The following BMAL1 variants were observed in gnomAD, a reference collection of about 807,000 sequenced individuals.
BMAL1 encodes the protein basic helix-loop-helix ARNT-like protein 1.
At chr11:13,375,707 A>G in the BMAL1 span, 1 of 1,605,090 alleles carries the variant, frequency 6.2e-7, no homozygotes, top group Non-Finnish European at 8.5e-7. Context: ...GTTCAGTTTC[A>G]TGAACCCTTG....
the BMAL1 span, among the ~76,000 whole-genome samples, chr11:13,311,548 T>A: frequency 6.6e-6 from 1 of 152,204 alleles, no homozygotes; most frequent in Admixed American, 6.5e-5. Context: ...GATAAAGAAT[T>A]GAGATGTTAC....
chr11:13,303,773 C>T, the BMAL1 span, among the ~76,000 whole-genome samples: 3 of 152,166 alleles, frequency 2.0e-5, no homozygotes, highest in Non-Finnish European at 2.9e-5. Context: ...ATACCTCCCT[C>T]CCACCCACTG....
the BMAL1 span, chr11:13,365,378 G>A: frequency 1.3e-6 from 1 of 765,558 alleles, no homozygotes; most frequent in South Asian, 1.7e-5. Flanking sequence ...GGATATCACT[G>A]AAACTGTTAG....
the BMAL1 span, chr11:13,354,468 T>A: frequency 1.2e-6 from 2 of 1,609,268 alleles, no homozygotes; most frequent in Admixed American, 3.4e-5. Flanking sequence ...TTGGGGCATG[T>A]CTTCCTCTTG....
chr11:13,277,617 G>A, the BMAL1 span: 15 of 151,922 alleles, frequency 9.9e-5, no homozygotes, highest in Non-Finnish European at 1.6e-4. Flanking sequence ...GGCTGGGGGC[G>A]GCCGCCGGGA....
the BMAL1 span, among the ~76,000 whole-genome samples, chr11:13,385,113 G>C: frequency 6.6e-6 from 1 of 152,166 alleles, no homozygotes; most frequent in Non-Finnish European, 1.5e-5. Context: ...CCAGGGGAAG[G>C]CAGCTGGGGT....
At chr11:13,367,564 G>A in the BMAL1 span, among the ~76,000 whole-genome samples, 1 of 152,020 alleles carries the variant, frequency 6.6e-6, no homozygotes, top group Non-Finnish European at 1.5e-5. Context: ...AGACAGGTGT[G>A]GTGGTGCGTG....
the BMAL1 span, among the ~76,000 whole-genome samples, chr11:13,347,522 T>C: frequency 6.6e-6 from 1 of 152,178 alleles, no homozygotes; most frequent in Non-Finnish European, 1.5e-5. Context: ...TGGAGTTTAG[T>C]ACTTGAAATT....
the BMAL1 span, among the ~76,000 whole-genome samples, chr11:13,341,070 A>T: frequency 6.6e-6 from 1 of 152,136 alleles, no homozygotes; most frequent in Non-Finnish European, 1.5e-5. Context: ...GGGCACCCAG[A>T]ATCCCCTCAC....
the BMAL1 span, among the ~76,000 whole-genome samples, chr11:13,343,136 A>G: frequency 6.6e-6 from 1 of 152,216 alleles, no homozygotes; most frequent in East Asian, 1.9e-4. Flanking sequence ...GTTGTGCCCA[A>G]CATCACACGG....
At chr11:13,362,699 C>T in the BMAL1 span, among the ~76,000 whole-genome samples, 1 of 152,066 alleles carries the variant, frequency 6.6e-6, no homozygotes, top group African/African-American at 2.4e-5. Flanking sequence ...TAAAGATGTC[C>T]GTGTTCTCAG....
chr11:13,332,396 C>T, the BMAL1 span, among the ~76,000 whole-genome samples: 1 of 152,308 alleles, frequency 6.6e-6, no homozygotes, highest in South Asian at 2.1e-4. Context: ...CAGCCACTTA[C>T]CTGCTTTCGA....
the BMAL1 span, chr11:13,358,642 C>T: frequency 1.7e-5 from 25 of 1,470,192 alleles, no homozygotes; most frequent in South Asian, 8.8e-5. Flanking sequence ...CAAATGTTAC[C>T]ACCCTTGCCT....
chr11:13,354,380 T>C, the BMAL1 span: 7 of 1,614,178 alleles, frequency 4.3e-6, no homozygotes, highest in Non-Finnish European at 5.9e-6. Flanking sequence ...CCGACCTGCT[T>C]TCCAGCTCTC....
the BMAL1 span, among the ~76,000 whole-genome samples, chr11:13,323,163 G>C: frequency 3.9e-5 from 6 of 152,036 alleles, no homozygotes; most frequent in Non-Finnish European, 7.4e-5. Flanking sequence ...GAAGGGCCCA[G>C]GCAGAAGGAG....
the BMAL1 span, among the ~76,000 whole-genome samples, chr11:13,347,376 G>A: frequency 3.3e-5 from 5 of 151,862 alleles, no homozygotes; most frequent in East Asian, 9.6e-4. Flanking sequence ...GTGAGACCCT[G>A]TCTCAAAAAA....
the BMAL1 span, among the ~76,000 whole-genome samples, chr11:13,288,029 C>G: frequency 6.6e-6 from 1 of 152,160 alleles, no homozygotes; most frequent in Admixed American, 6.5e-5. Flanking sequence ...AGGTTTTCAC[C>G]TTTAAGGATG....
At chr11:13,357,838 C>T in the BMAL1 span, among the ~76,000 whole-genome samples, 1 of 152,334 alleles carries the variant, frequency 6.6e-6, no homozygotes, top group Admixed American at 6.5e-5. This position sits in a 1 kb window ranked among gnomAD's most constrained non-coding sequence, Gnocchi z 4.8. Context: ...CACCCTGCCT[C>T]AGCGGGAGGA....
the BMAL1 span, among the ~76,000 whole-genome samples, chr11:13,296,948 G>T: frequency 2.6e-5 from 4 of 152,202 alleles, no homozygotes; most frequent in Non-Finnish European, 4.4e-5. Context: ...GTTGTCAGGA[G>T]TTCTTGGTAC....
Sources: allele counts gnomAD v4.1 joint callset (sites outside exome capture counted in the v4.1 genomes callset), GRCh38; gene constraint gnomAD v4.1.1; non-coding constraint Gnocchi (gnomAD v3.1); transcripts MANE v1.5; gene names NCBI Gene and HGNC (gene_info 2026-07-23, HGNC 2026-07-21).